Variants in SLX4IP observed in about 807,000 individuals in gnomAD.
SLX4IP encodes the protein protein SLX4IP.
In SLX4IP, 34 loss-of-function variants were observed where a neutral mutation model predicts 32.9. That is an observed-to-expected ratio of 1.03 (90% CI 0.79 to 1.38). The LOEUF (loss-of-function observed/expected upper bound fraction) is 1.38, where lower values mean the gene tolerates loss of function less well. Ranked by LOEUF, SLX4IP falls within the 40% of genes most tolerant of loss-of-function variation. SLX4IP has a pLI of 0.00. For missense variants in SLX4IP, 444 were observed against 479.0 expected, an observed-to-expected ratio of 0.93 and a Z score of 0.68; for synonymous variants, 172 against 171.7, an observed-to-expected ratio of 1.00 and a Z score of -0.01.
intron 2 of SLX4IP, among the ~76,000 whole-genome samples, chr20:10,527,632 C>T (rs1369573230): frequency 6.6e-6 from 1 of 152,162 alleles, no homozygotes; most frequent in Non-Finnish European, 1.5e-5. Flanking sequence ...GGGTACTTGA[C>T]TACACTCAAA....
intron 1 of SLX4IP, among the ~76,000 whole-genome samples, chr20:10,452,126 A>T (rs962198442): frequency 2.6e-5 from 4 of 152,336 alleles, no homozygotes; most frequent in African/African-American, 9.6e-5. Flanking sequence ...ACGGGCAAAT[A>T]GTTCCATGCT....
At chr20:10,536,541 C>A (rs182173036) in intron 2 of SLX4IP, among the ~76,000 whole-genome samples, 1 of 152,302 alleles carries the variant, frequency 6.6e-6, no homozygotes, top group African/African-American at 2.4e-5. Context: ...CAGAAGCCAG[C>A]AGTTCTGCAG....
chr20:10,583,863 T>G (rs2066614706), intron 4 of SLX4IP, among the ~76,000 whole-genome samples: 1 of 152,208 alleles, frequency 6.6e-6, no homozygotes, highest in Non-Finnish European at 1.5e-5. Flanking sequence ...CTCTTTTACG[T>G]AGGCTTCTGA....
At chr20:10,533,649 TG>T (rs2066010781) in intron 2 of SLX4IP, among the ~76,000 whole-genome samples, 1 of 132,284 alleles carries the variant, frequency 7.6e-6, no homozygotes, top group African/African-American at 2.9e-5. Context: ...AGGCAGGGTC[TG>T]GCTCTGTCAC....
intron 2 of SLX4IP, among the ~76,000 whole-genome samples, chr20:10,486,837 A>T (rs1469058821): frequency 2.6e-5 from 4 of 152,240 alleles, no homozygotes; most frequent in Non-Finnish European, 5.9e-5. Context: ...AGAACATTTA[A>T]AAATTGTTCT....
chr20:10,566,283 A>ATTTTTTT lies in SLX4IP; in HGVS notation c.238+5485_238+5491dup, dbSNP rs59907123. On this transcript the variant is annotated intron_variant, in intron 4 of 7. Coordinates refer to ENST00000334534, the MANE Select transcript of SLX4IP (RefSeq NM_001009608.3). ...TGTTTCACCAGGTAGAACTGATTAC[A>ATTTTTTT]TTTTTTTTTTTTTTTTTTTTTTTTT... Among the ~76,000 whole-genome samples the ATTTTTTT allele has an allele frequency of 9.2e-5, 9 of 97,876 alleles. 1 individual carries two copies. Among genetic ancestry groups the ATTTTTTT allele is most frequent in the Non-Finnish European group, 1.4e-4 (7 of 51,666 alleles). 64.2% of individuals were successfully genotyped at this position (97,876 alleles called of 152,430 possible). A position where few individuals can be genotyped will look rare whatever the true frequency, so the allele number is the denominator to read the frequency against.
chr20:10,505,787 A>G (rs921984931), intron 2 of SLX4IP, among the ~76,000 whole-genome samples: 1 of 152,084 alleles, frequency 6.6e-6, no homozygotes, highest in Non-Finnish European at 1.5e-5. Context: ...TATAAATATA[A>G]CCGAGTTGTA....
intron 2 of SLX4IP, among the ~76,000 whole-genome samples, chr20:10,542,255 C>G (rs541837646): frequency 6.0e-4 from 92 of 152,206 alleles, no homozygotes; most frequent in African/African-American, 2.0e-3. Context: ...GTGCACACCC[C>G]CTGCGGCAGA....
intron 4 of SLX4IP, among the ~76,000 whole-genome samples, chr20:10,572,949 G>T (rs1010904488): frequency 6.6e-6 from 1 of 152,166 alleles, no homozygotes; most frequent in African/African-American, 2.4e-5. Context: ...GTGTTCACAC[G>T]ACAAGAGGCG....
At chr20:10,518,538 CTTCCTTCCTTCCT>C (rs1568720475) in intron 2 of SLX4IP, among the ~76,000 whole-genome samples, 9 of 96,632 alleles carry the variant, frequency 9.3e-5, no homozygotes, top group Non-Finnish European at 2.2e-4. Context: ...TCCTTCCTTC[CTTCCTTCCTTCCT>C]TTCCTTCTTT....
intron 6 of SLX4IP, among the ~76,000 whole-genome samples, chr20:10,620,407 A>T (rs2067094249): frequency 6.6e-6 from 1 of 152,222 alleles, no homozygotes; most frequent in Admixed American, 6.5e-5. Context: ...AGATAGGCAG[A>T]TAATCTATGA....
At chr20:10,453,745 T>A (rs951743296) in intron 1 of SLX4IP, among the ~76,000 whole-genome samples, 10 of 150,994 alleles carry the variant, frequency 6.6e-5, no homozygotes, top group South Asian at 4.2e-4. Context: ...TTAAAAAAAA[T>A]TTTTTTTTTA....
chr20:10,557,085 T>G (rs1177698031), intron 3 of SLX4IP, among the ~76,000 whole-genome samples: 1 of 152,200 alleles, frequency 6.6e-6, no homozygotes, highest in Non-Finnish European at 1.5e-5. Context: ...TACACACCTT[T>G]AAAAATATCA....
chr20:10,519,553 A>C (rs1031128596), intron 2 of SLX4IP, among the ~76,000 whole-genome samples: 2 of 152,094 alleles, frequency 1.3e-5, no homozygotes, highest in Non-Finnish European at 2.9e-5. Flanking sequence ...TCAGTACTTT[A>C]TTTCTTTCTA....
chr20:10,517,797 C>G (rs1038208899), intron 2 of SLX4IP, among the ~76,000 whole-genome samples: 1 of 152,156 alleles, frequency 6.6e-6, no homozygotes, highest in African/African-American at 2.4e-5. Context: ...AGCTTATCAT[C>G]CCTGCATTCC....
intron 2 of SLX4IP, among the ~76,000 whole-genome samples, chr20:10,541,128 A>G (rs2066101395): frequency 6.6e-6 from 1 of 152,232 alleles, no homozygotes. Context: ...AAAGGGAAAC[A>G]AACTTCTTAA....
rs927924886 is a variant in SLX4IP, at chr20:10,459,714, C to T, written c.27+1483C>T. 5.3e-5 allele frequency among the ~76,000 whole-genome samples: 8 copies of T among 152,306 alleles called. 1 individual carries two copies. The South Asian group carries it at 1.5e-3, about 28-fold the overall frequency. On this transcript the variant is annotated intron_variant, in intron 2 of 7. Coordinates refer to ENST00000334534, the MANE Select transcript of SLX4IP (RefSeq NM_001009608.3). ...CCTGGTTGCCCTCTTTCATTTTCCT[C>T]TTATAAATGTCCCTTGTTTGTTCCT...
intron 4 of SLX4IP, among the ~76,000 whole-genome samples, chr20:10,585,129 T>C (rs1438983592): frequency 6.6e-6 from 1 of 152,178 alleles, no homozygotes; most frequent in Non-Finnish European, 1.5e-5. Flanking sequence ...GTTTTCTGCT[T>C]CTCATCTTTG....
intron 2 of SLX4IP, among the ~76,000 whole-genome samples, chr20:10,547,190 C>T (rs1268072732): frequency 6.6e-6 from 1 of 152,244 alleles, no homozygotes; most frequent in African/African-American, 2.4e-5. Flanking sequence ...TACTGAAGGA[C>T]ATCACAGCCT....
Sources: gnomAD v4.1 joint callset for allele counts (sites outside exome capture counted in the v4.1 genomes callset) on GRCh38, gnomAD v4.1.1 for gene constraint, MANE v1.5 for transcripts, NCBI Gene and HGNC (gene_info 2026-07-23, HGNC 2026-07-21) for gene names.